TIAM1: variants seen among roughly 807,000 people sequenced by gnomAD.
TIAM1 encodes rho guanine nucleotide exchange factor TIAM1.
In TIAM1, 65 loss-of-function variants were observed where a neutral mutation model predicts 163.5. The observed-to-expected ratio is 0.40, with a 90% CI of 0.33 to 0.49. The LOEUF (loss-of-function observed/expected upper bound fraction) is 0.49, where lower values mean the gene tolerates loss of function less well. Among genes scored for constraint, TIAM1 ranks in the 20% least tolerant of loss-of-function variants. The pLI is 0.77. For missense variants in TIAM1, 1,789 were observed against 2,044.7 expected, an observed-to-expected ratio of 0.87 and a Z score of 2.41; for synonymous variants, 833 against 810.1, an observed-to-expected ratio of 1.03 and a Z score of -0.48.
At chr21:31,468,841 C>T (rs2045630739) in intron 1 of TIAM1, among the ~76,000 whole-genome samples, 1 of 152,028 alleles carries the variant, frequency 6.6e-6, no homozygotes, top group South Asian at 2.1e-4. Flanking sequence ...ATGACTTTTC[C>T]TCTTTTTCCT....
chr21:31,337,750 G>T (rs980625627), intron 2 of TIAM1, among the ~76,000 whole-genome samples: 1 of 151,704 alleles, frequency 6.6e-6, no homozygotes, highest in Admixed American at 6.6e-5. Flanking sequence ...AGACTGGCTC[G>T]GACTCTTGAC....
intron 6 of TIAM1, among the ~76,000 whole-genome samples, chr21:31,228,661 G>C (rs1184817405): frequency 6.6e-6 from 1 of 152,198 alleles, no homozygotes; most frequent in Non-Finnish European, 1.5e-5. Context: ...CACACATCTT[G>C]TTGGGGAAGG....
chr21:31,388,212 AACACACAC>A (rs11369323), intron 2 of TIAM1, among the ~76,000 whole-genome samples: 91 of 115,936 alleles, frequency 7.8e-4, no homozygotes, highest in African/African-American at 1.8e-3. Context: ...AGAAGACCCT[AACACACAC>A]ACACACACAC....
intron 1 of TIAM1, among the ~76,000 whole-genome samples, chr21:31,533,243 C>T (rs1439120096): frequency 1.3e-5 from 2 of 152,152 alleles, no homozygotes; most frequent in African/African-American, 4.8e-5. Flanking sequence ...ATCGCTTGAA[C>T]ATGGGAGGCA....
chr21:31,379,536 A>C lies in TIAM1; in HGVS notation c.-368-40114T>G, dbSNP rs567452602. The stretch of plus-strand genomic sequence containing the variant: ...AGACCCAGTCCTTAAGAAAAAAAAA[A>C]AAATGTGAAAACGTATGTCCACACA... On this transcript the variant is annotated intron_variant, in intron 2 of 28. Coordinates refer to the TIAM1 transcript ENST00000286827. 5.3e-3 allele frequency among the ~76,000 whole-genome samples: 811 copies of C among 152,312 alleles called. 5 individuals are homozygous for C. The highest frequency in any genetic ancestry group is 0.019 in the African/African-American group (787 of 41,554).
intron 6 of TIAM1, among the ~76,000 whole-genome samples, chr21:31,241,582 G>A (rs1021266094): frequency 1.8e-4 from 27 of 152,148 alleles, no homozygotes; most frequent in Admixed American, 1.4e-3. Context: ...TATCACCACC[G>A]ATAATCAACA....
At chr21:31,238,264 G>T (rs556281601) in intron 6 of TIAM1, among the ~76,000 whole-genome samples, 1 of 152,184 alleles carries the variant, frequency 6.6e-6, no homozygotes, top group Admixed American at 6.5e-5. Context: ...TGATTCGGCT[G>T]CTCCAGAGTT....
intron 1 of TIAM1, among the ~76,000 whole-genome samples, chr21:31,530,006 A>G (rs1248681247): frequency 6.6e-6 from 1 of 152,160 alleles, no homozygotes; most frequent in Non-Finnish European, 1.5e-5. Flanking sequence ...GTTTATTTCT[A>G]CTAACACGTT....
intron 2 of TIAM1, among the ~76,000 whole-genome samples, chr21:31,307,708 A>C (rs1191221481): frequency 6.6e-6 from 1 of 152,054 alleles, no homozygotes; most frequent in Non-Finnish European, 1.5e-5. Flanking sequence ...TCTAGCAAGG[A>C]GGGGCTTGCA....
chr21:31,383,549 C>T (rs952814347), intron 2 of TIAM1, among the ~76,000 whole-genome samples: 2 of 152,158 alleles, frequency 1.3e-5, no homozygotes, highest in African/African-American at 2.4e-5. Context: ...TTCAGAGATT[C>T]GCCAAACTGA....
intron 2 of TIAM1, among the ~76,000 whole-genome samples, chr21:31,306,306 A>C (rs777208933): frequency 7.2e-5 from 11 of 152,250 alleles, no homozygotes; most frequent in Non-Finnish European, 1.2e-4. Flanking sequence ...TCAATAAATA[A>C]TACTACTAGC....
At chr21:31,165,806 A>T (rs772837610) in intron 15 of TIAM1, among the ~76,000 whole-genome samples, 2 of 152,254 alleles carry the variant, frequency 1.3e-5, no homozygotes, top group Non-Finnish European at 2.9e-5. Flanking sequence ...AGTACAACAA[A>T]AAAAATGACT....
intron 1 of TIAM1, among the ~76,000 whole-genome samples, chr21:31,542,941 C>A (rs937657574): frequency 6.6e-6 from 1 of 152,064 alleles, no homozygotes; most frequent in Non-Finnish European, 1.5e-5. Context: ...GAACTCCAGC[C>A]TGGGTGACAG....
chr21:31,156,815 C>T (rs751261914), intron 16 of TIAM1, among the ~76,000 whole-genome samples: 1 of 152,214 alleles, frequency 6.6e-6, no homozygotes, highest in Non-Finnish European at 1.5e-5. Context: ...TTATCCCAAA[C>T]TCTCCTTGGT....
At chr21:31,428,216 T>C (rs879892001) in intron 2 of TIAM1, among the ~76,000 whole-genome samples, 1 of 151,882 alleles carries the variant, frequency 6.6e-6, no homozygotes, top group Non-Finnish European at 1.5e-5. Context: ...GATCACACCA[T>C]TGCACTCTAG....
At position 31,553,316 on chromosome 21, in the gene TIAM1, T is replaced by C. The variant is rs534545433; in HGVS notation, c.-422+5611A>G. ...CCATATTATGCTAAAGAACTTGCCC[T>C]CCAAATTATCACTTTCCAAAGATAT... On this transcript the variant is annotated intron_variant, in intron 1 of 28. Transcript: ENST00000286827. Among the ~76,000 whole-genome samples the C allele has an allele frequency of 1.1e-4, 16 of 152,296 alleles. No individual in the cohort carries two copies. The East Asian group carries it at 3.1e-3, about 29-fold the overall frequency.
At chr21:31,397,002 G>T (rs912216706) in intron 2 of TIAM1, among the ~76,000 whole-genome samples, 1 of 152,032 alleles carries the variant, frequency 6.6e-6, no homozygotes, top group Non-Finnish European at 1.5e-5. Flanking sequence ...TTCTAATAGT[G>T]GAAAGAAACC....
At chr21:31,472,001 C>A (rs1003324320) in intron 1 of TIAM1, among the ~76,000 whole-genome samples, 11 of 152,180 alleles carry the variant, frequency 7.2e-5, no homozygotes, top group Middle Eastern at 3.4e-3. Flanking sequence ...ATGCTGTGGT[C>A]CCTTTTCCAG....
intron 14 of TIAM1, among the ~76,000 whole-genome samples, chr21:31,184,474 G>A (rs1165130114): frequency 1.3e-5 from 2 of 152,146 alleles, no homozygotes; most frequent in Non-Finnish European, 2.9e-5. Flanking sequence ...TTGGGATCGT[G>A]TTTGTGGACC....
Sources: allele counts gnomAD v4.1 joint callset (sites outside exome capture counted in the v4.1 genomes callset), GRCh38; gene constraint gnomAD v4.1.1; transcripts MANE v1.5; gene names NCBI Gene and HGNC (gene_info 2026-07-23, HGNC 2026-07-21).